IQSEC3: variants seen among roughly 807,000 people sequenced by gnomAD.
IQSEC3 encodes IQ motif and SEC7 domain-containing protein 3.
A neutral mutation model predicts 105.4 loss-of-function variants in IQSEC3; 50 were observed. The observed-to-expected ratio is 0.47, with a 90% CI of 0.38 to 0.60. The LOEUF (loss-of-function observed/expected upper bound fraction) is 0.60, where lower values mean the gene tolerates loss of function less well. Among genes scored for constraint, IQSEC3 ranks in the 20% least tolerant of loss-of-function variants. The pLI, the probability that IQSEC3 is intolerant of heterozygous loss-of-function variation, is 0.00. For missense variants in IQSEC3, 1,415 were observed against 1,630.0 expected (o/e 0.87, Z 2.27); for synonymous variants, 708 against 746.0 (o/e 0.95, Z 0.83).
chr12:120,749 A>G (rs1481733109), intron 2 of IQSEC3, among the ~76,000 whole-genome samples: 1 of 151,974 alleles, frequency 6.6e-6, no homozygotes, highest in Non-Finnish European at 1.5e-5. Flanking sequence ...CACTTCCCAT[A>G]CTCAAATCCT....
chr12:170,252 T>C (rs1758539680), intron 12 of IQSEC3, among the ~76,000 whole-genome samples: 1 of 152,218 alleles, frequency 6.6e-6, no homozygotes, highest in South Asian at 2.1e-4. Flanking sequence ...TGCTTTTGTT[T>C]TCTCAGCTGT....
chr12:134,796 G>A (rs1865706946), intron 3 of IQSEC3, among the ~76,000 whole-genome samples: 1 of 145,152 alleles, frequency 6.9e-6, no homozygotes, highest in African/African-American at 2.6e-5. Context: ...ACTTTGGGAG[G>A]CCAAGGTGGG....
At chr12:143,855 G>A in intron 5 of IQSEC3, 1 of 159,836 alleles carries the variant, frequency 6.3e-6, no homozygotes, top group Non-Finnish European at 1.4e-5. Flanking sequence ...GTGTGTGTGT[G>A]TGTGTGTGTG....
chr12:125,352 C>T (rs567161628), intron 2 of IQSEC3, among the ~76,000 whole-genome samples: 28 of 152,254 alleles, frequency 1.8e-4, no homozygotes, highest in East Asian at 1.2e-3. Context: ...CCAGATGCAC[C>T]GCTCTGCCAT....
At chr12:89,135 G>A (rs534491591) in intron 1 of IQSEC3, among the ~76,000 whole-genome samples, 1 of 152,224 alleles carries the variant, frequency 6.6e-6, no homozygotes, top group African/African-American at 2.4e-5. Context: ...GGGACTCTCA[G>A]TCCTTAGGCC....
intron 1 of IQSEC3, among the ~76,000 whole-genome samples, chr12:75,526 G>T (rs1408551499): frequency 6.6e-6 from 1 of 152,104 alleles, no homozygotes; most frequent in Non-Finnish European, 1.5e-5. Flanking sequence ...AAGCTTGTTT[G>T]CTCCTTTCTA....
At chr12:70,452 G>A (rs1863269819) in intron 1 of IQSEC3, among the ~76,000 whole-genome samples, 1 of 152,248 alleles carries the variant, frequency 6.6e-6, no homozygotes, top group Non-Finnish European at 1.5e-5. Context: ...CATTTGAAGG[G>A]TTAAAATTAT....
chr12:174,251 G>A (rs1939152750), intron 13 of IQSEC3, among the ~76,000 whole-genome samples: 1 of 152,180 alleles, frequency 6.6e-6, no homozygotes, highest in African/African-American at 2.4e-5. Flanking sequence ...TATAACCCCT[G>A]CTTTCAAGCT....
chr12:163,427 T>G, intron 8 of IQSEC3, 67 bp from the exon 9 acceptor site: 1 of 1,395,048 alleles, frequency 7.2e-7, no homozygotes, highest in African/African-American at 1.5e-5. Flanking sequence ...TTCTGGAAAA[T>G]GGGCGCGTGG....
chr12:76,086 T>TCACACA (rs55736036), intron 1 of IQSEC3, among the ~76,000 whole-genome samples: 166 of 148,444 alleles, frequency 1.1e-3, no homozygotes, highest in African/African-American at 3.2e-3. Flanking sequence ...GAGAGTTTCA[T>TCACACA]CACACACACA....
chr12:170,754 C>T (rs1239692167), intron 12 of IQSEC3, among the ~76,000 whole-genome samples: 4 of 152,240 alleles, frequency 2.6e-5, no homozygotes, highest in African/African-American at 4.8e-5. Context: ...GCGTGGCCCA[C>T]GCTCAAGGAG....
intron 7 of IQSEC3, 22 bp from the exon 8 acceptor site, chr12:161,904 C>A (rs1373372304): frequency 1.9e-6 from 3 of 1,570,294 alleles, no homozygotes; most frequent in African/African-American, 1.4e-5. Context: ...CACCACCACC[C>A]CTGCCCACTC....
At chr12:133,798 GC>G (rs1378825857) in intron 3 of IQSEC3, among the ~76,000 whole-genome samples, 1 of 151,666 alleles carries the variant, frequency 6.6e-6, no homozygotes, top group African/African-American at 2.4e-5. Context: ...GGTTGGGTCA[GC>G]ATCTGGCATT....
intron 8 of IQSEC3, among the ~76,000 whole-genome samples, chr12:163,069 G>C (rs868993752): frequency 3.3e-5 from 5 of 152,028 alleles, no homozygotes; most frequent in Non-Finnish European, 5.9e-5. Flanking sequence ...GTGAACGTGC[G>C]AGGGAAAGAG....
At chr12:165,595 C>T (rs528073370) in intron 10 of IQSEC3, 62 bp downstream of exon 10, 38 of 1,549,080 alleles carry the variant, frequency 2.5e-5, no homozygotes, top group South Asian at 2.2e-4. Context: ...ATGGCTGGGG[C>T]GAGTTGAGGG....
At chr12:92,054 C>T (rs1207031657) in intron 1 of IQSEC3, among the ~76,000 whole-genome samples, 1 of 152,192 alleles carries the variant, frequency 6.6e-6, no homozygotes, top group Non-Finnish European at 1.5e-5. Context: ...AAACCTCATA[C>T]TGGGCCCACA....
chr12:108,893 C>T (rs1163610797), intron 2 of IQSEC3, among the ~76,000 whole-genome samples: 1 of 152,258 alleles, frequency 6.6e-6, no homozygotes, highest in Non-Finnish European at 1.5e-5. Context: ...GAGAGCTGCA[C>T]TGTTTGTATT....
At chr12:131,303 A>G (rs1275537678) in intron 3 of IQSEC3, among the ~76,000 whole-genome samples, 1 of 152,298 alleles carries the variant, frequency 6.6e-6, no homozygotes, top group East Asian at 1.9e-4. Context: ...TTTAGAGGGA[A>G]GTGAGCAGAG....
intron 2 of IQSEC3, among the ~76,000 whole-genome samples, chr12:121,572 G>A (rs1865219404): frequency 6.6e-6 from 1 of 152,222 alleles, no homozygotes; most frequent in Non-Finnish European, 1.5e-5. Context: ...TGCTGCTCCA[G>A]TGGCTGGAAC....
Sources: gnomAD v4.1 joint callset for allele counts (sites outside exome capture counted in the v4.1 genomes callset) on GRCh38, gnomAD v4.1.1 for gene constraint, MANE v1.5 for transcripts, NCBI Gene and HGNC (gene_info 2026-07-23, HGNC 2026-07-21) for gene names.